Variants in ITGB8 observed in about 807,000 individuals in gnomAD.
The protein encoded by ITGB8 is integrin subunit beta 8.
ITGB8 carries 30 observed loss-of-function variants against 89.5 expected under a neutral mutation model. The ratio of observed to expected loss-of-function variants is 0.34; its 90% CI spans 0.25 to 0.45. The LOEUF (loss-of-function observed/expected upper bound fraction) is 0.45, where lower values mean the gene tolerates loss of function less well. ITGB8 is among the 20% of genes least tolerant of loss of function. The pLI is 1.00. For missense variants in ITGB8, 836 were observed against 933.3 expected (o/e 0.90, Z 1.36); for synonymous variants, 335 against 320.4 (o/e 1.05, Z -0.49).
chr7:20,389,658 A>C (rs1371697138), intron 6 of ITGB8, among the ~76,000 whole-genome samples: 1 of 152,236 alleles, frequency 6.6e-6, no homozygotes, highest in East Asian at 1.9e-4. Context: ...CAAAGCAAAA[A>C]TACTTGAAAA....
At position 20,401,707 on chromosome 7, in the gene ITGB8, C is replaced by T. The variant is rs1421688099; in HGVS notation, c.1282-14C>T. The T allele has an allele frequency of 6.8e-7, 1 of 1,475,342 alleles. No homozygotes were observed. The highest frequency in any genetic ancestry group is 9.1e-7 in the Non-Finnish European group (1 of 1,103,888). The allele number at this position is 1,475,342 out of a possible 1,614,324, so 91.4% of individuals were successfully genotyped here. ...AGGTATATAAATATATTTCCTTTTT[C>T]CTCCTAAATTTAGGTTCTTTTCAAT... is the stretch of plus-strand genomic sequence containing the variant. On this transcript the variant is annotated splice_polypyrimidine_tract_variant and intron_variant, in intron 9 of 13. Transcript: ENST00000222573.
intron 8 of ITGB8, among the ~76,000 whole-genome samples, chr7:20,397,640 C>A (rs182277731): frequency 5.3e-5 from 8 of 152,340 alleles, no homozygotes. Context: ...TTGTATACCA[C>A]TGGAAGTTTA....
rs1157358325 is a variant in ITGB8, at chr7:20,410,449, A to C, written c.*452A>C. On this transcript the variant is annotated 3_prime_UTR_variant, in exon 14 of 14. Coordinates refer to ENST00000222573, the MANE Select transcript of ITGB8 (RefSeq NM_002214.3). ...CAAGTATATTCTAAGGTTGCCAAAC[A>C]CTTCAACAGTTGGTGGTTGAATAGA... 6.4e-6 allele frequency: 1 copy of C among 156,748 alleles called. No homozygotes were observed. Among genetic ancestry groups the C allele is most frequent in the African/African-American group, 2.4e-5 (1 of 41,520 alleles). The allele number at this position is 156,748 out of a possible 1,614,324, so 9.7% of individuals were successfully genotyped here. A position where few individuals can be genotyped will look rare whatever the true frequency, so the allele number is the denominator to read the frequency against.
At chr7:20,387,545 G>A (rs1173106469) in intron 6 of ITGB8, among the ~76,000 whole-genome samples, 1 of 152,188 alleles carries the variant, frequency 6.6e-6, no homozygotes, top group Non-Finnish European at 1.5e-5. Context: ...CAGAGCCCCT[G>A]CTGGTGGTGT....
chr7:20,372,207 C>T (rs1785960095), intron 3 of ITGB8, among the ~76,000 whole-genome samples: 1 of 152,074 alleles, frequency 6.6e-6, no homozygotes, highest in African/African-American at 2.4e-5. Flanking sequence ...ATTTTTTCTA[C>T]TGGTATGTTA....
At chr7:20,373,173 A>AG (rs1786004211) in intron 3 of ITGB8, among the ~76,000 whole-genome samples, 1 of 152,168 alleles carries the variant, frequency 6.6e-6, no homozygotes, top group African/African-American at 2.4e-5. Flanking sequence ...TGTACTGACT[A>AG]GGGTTTCTTA....
intron 8 of ITGB8, among the ~76,000 whole-genome samples, chr7:20,395,710 A>T (rs1289374120): frequency 4.6e-5 from 7 of 152,206 alleles, no homozygotes; most frequent in Non-Finnish European, 1.0e-4. Flanking sequence ...ACATGACCTC[A>T]TTCAGTCCTC....
chr7:20,342,854 G>C (rs973447373), intron 1 of ITGB8, among the ~76,000 whole-genome samples: 1 of 152,160 alleles, frequency 6.6e-6, no homozygotes, highest in African/African-American at 2.4e-5. Flanking sequence ...TCGCAAGTAC[G>C]GCAGAGCCTT....
At position 20,351,239 on chromosome 7, in the gene ITGB8, G is replaced by A. The variant is rs191295747; in HGVS notation, c.128-12398G>A. Among the ~76,000 whole-genome samples the A allele has an allele frequency of 2.0e-5, 3 of 152,276 alleles. No individual in the cohort carries two copies. In the East Asian group the frequency reaches 5.8e-4, roughly 29 times the overall value. Reference sequence around the variant, plus strand: ...TAATAATAGTACTAATTAGCCAGGAGTTTTCAGTCATACTTTGGAATAATT... The same window carrying A: ...TAATAATAGTACTAATTAGCCAGGAATTTTCAGTCATACTTTGGAATAATT... On this transcript the variant is annotated intron_variant, in intron 1 of 13. Transcript: ENST00000222573.
intron 1 of ITGB8, among the ~76,000 whole-genome samples, chr7:20,334,387 A>G (rs1249311748): frequency 6.6e-6 from 1 of 152,156 alleles, no homozygotes; most frequent in Non-Finnish European, 1.5e-5. Flanking sequence ...TTCATTACCT[A>G]AATTTTTATA....
Position 20,371,386 on chromosome 7 carries a change from A to C in ITGB8, c.388+4200A>C, listed in dbSNP as rs149172939. The stretch of plus-strand genomic sequence containing the variant: ...TGAAACTAACTATTGAATACTTTTA[A>C]ATTTTACTCTGGCAGGTTGTTTTTT... On this transcript the variant is annotated intron_variant, in intron 3 of 13. Transcript: ENST00000222573. Among the ~76,000 whole-genome samples, 12 of 152,306 alleles carry C rather than the reference A, an allele frequency of 7.9e-5. No individual in the cohort carries two copies. In the East Asian group the frequency reaches 2.3e-3, roughly 29 times the overall value.
intron 12 of ITGB8, among the ~76,000 whole-genome samples, chr7:20,408,753 C>T (rs1222476450): frequency 2.0e-5 from 3 of 152,130 alleles, no homozygotes; most frequent in East Asian, 3.9e-4. Flanking sequence ...AACAACAGAG[C>T]CTGTAGACTT....
At position 20,379,045 on chromosome 7, in the gene ITGB8, A is replaced by G; in HGVS notation, c.389-6A>G. On this transcript the variant is annotated splice_polypyrimidine_tract_variant and splice_region_variant and intron_variant, in intron 3 of 13. Transcript: ENST00000222573. The stretch of plus-strand genomic sequence containing the variant: ...ACTACATGATGTTTTTCTTCTATTG[A>G]ACTAGGAGCCGAAGCTAATTTTATG... 6.3e-7 allele frequency: 1 copy of G among 1,575,896 alleles called. No homozygotes were observed. The highest frequency in any genetic ancestry group is 8.6e-7 in the Non-Finnish European group (1 of 1,163,416).
chr7:20,340,384 A>C (rs1784717951), intron 1 of ITGB8, among the ~76,000 whole-genome samples: 1 of 152,196 alleles, frequency 6.6e-6, no homozygotes, highest in African/African-American at 2.4e-5. Context: ...TTGGAAGTGG[A>C]GAGAAGGGCT....
At chr7:20,395,323 G>C (rs919346730) in intron 8 of ITGB8, among the ~76,000 whole-genome samples, 1 of 152,174 alleles carries the variant, frequency 6.6e-6, no homozygotes, top group South Asian at 2.1e-4. Flanking sequence ...TTCCTATGCC[G>C]TAATGATAAA....
At chr7:20,349,571 A>G (rs181082185) in intron 1 of ITGB8, among the ~76,000 whole-genome samples, 2 of 152,284 alleles carry the variant, frequency 1.3e-5, no homozygotes, top group African/African-American at 2.4e-5. Context: ...AGTTCAATCC[A>G]TACAAAAAAG....
chr7:20,381,819 C>T lies in ITGB8; in HGVS notation c.894C>T (p.Gly298=). The change falls in exon 6 of 14, where the codon GGC becomes GGT. Residue 298 remains glycine (G), a synonymous_variant. Coordinates refer to ENST00000222573, the MANE Select transcript of ITGB8 (RefSeq NM_002214.3). The part of the protein sequence containing the change: ...SHLALDSKLA[G]IVVPNDGNCH... Reference sequence around the variant, plus strand: ...TCGCTCTTGATAGCAAATTGGCAGGCATAGTGGTGCCCAATGACGGAAACT... The same window carrying T: ...TCGCTCTTGATAGCAAATTGGCAGGTATAGTGGTGCCCAATGACGGAAACT... The T allele has an allele frequency of 6.2e-7, 1 of 1,613,958 alleles. No individual in the cohort carries two copies.
At chr7:20,345,677 GGTAT>G (rs1449674737) in intron 1 of ITGB8, among the ~76,000 whole-genome samples, 1 of 152,142 alleles carries the variant, frequency 6.6e-6, no homozygotes, top group Non-Finnish European at 1.5e-5. Context: ...GCAGATTGTT[GGTAT>G]CTGGAGCCCA....
intron 1 of ITGB8, among the ~76,000 whole-genome samples, chr7:20,335,529 G>T (rs1297239795): frequency 6.6e-6 from 1 of 152,118 alleles, no homozygotes; most frequent in Non-Finnish European, 1.5e-5. Flanking sequence ...GCCTGCCCTT[G>T]CATGATTAGT....
Sources: allele counts gnomAD v4.1 joint callset (sites outside exome capture counted in the v4.1 genomes callset), GRCh38; gene constraint gnomAD v4.1.1; transcripts MANE v1.5; gene names NCBI Gene and HGNC (gene_info 2026-07-23, HGNC 2026-07-21).